The following SSH2 variants were observed in gnomAD, a reference collection of about 807,000 sequenced individuals.
The protein encoded by SSH2 is protein phosphatase Slingshot homolog 2.
In SSH2, 37 loss-of-function variants were observed where a neutral mutation model predicts 135.2. That is an observed-to-expected ratio of 0.27 (90% CI 0.21 to 0.36). The LOEUF (loss-of-function observed/expected upper bound fraction) is 0.36. Ranked by LOEUF, SSH2 falls within the 10% of genes least tolerant of loss-of-function variation. The pLI, the probability that SSH2 is intolerant of heterozygous loss-of-function variation, is 1.00. For missense variants in SSH2, 1,408 were observed against 1,765.3 expected, an observed-to-expected ratio of 0.80 and a Z score of 3.63; for synonymous variants, 628 against 646.2, an observed-to-expected ratio of 0.97 and a Z score of 0.43.
chr17:29,847,097 T>C (rs922735335), intron 2 of SSH2, among the ~76,000 whole-genome samples: 2 of 152,244 alleles, frequency 1.3e-5, no homozygotes, highest in African/African-American at 4.8e-5. Context: ...AGGTTTGCTA[T>C]GTTTCTAAAC....
At chr17:29,908,814 C>G (rs139800204) in intron 1 of SSH2, among the ~76,000 whole-genome samples, 1 of 142,536 alleles carries the variant, frequency 7.0e-6, no homozygotes, top group South Asian at 2.2e-4. Flanking sequence ...AGTGGTGGCT[C>G]ACGCCTGTAA....
At chr17:29,923,421 C>T (rs1287405035) in intron 1 of SSH2, among the ~76,000 whole-genome samples, 1 of 151,886 alleles carries the variant, frequency 6.6e-6, no homozygotes, top group Non-Finnish European at 1.5e-5. Flanking sequence ...GAGTTCAAGA[C>T]CAGTCTGGGC....
intron 3 of SSH2, among the ~76,000 whole-genome samples, chr17:29,752,077 A>T (rs1311654482): frequency 6.6e-6 from 1 of 152,222 alleles, no homozygotes; most frequent in Non-Finnish European, 1.5e-5. Context: ...TAATAGATCC[A>T]TACATCACAT....
chr17:29,905,988 T>C (rs184420985), intron 1 of SSH2, among the ~76,000 whole-genome samples: 150 of 152,250 alleles, frequency 9.9e-4, no homozygotes, highest in African/African-American at 3.5e-3. Context: ...GCCTCCTCTC[T>C]GATGAGAGCT....
chr17:29,756,539 C>T (rs925778021), intron 3 of SSH2, among the ~76,000 whole-genome samples: 5 of 144,094 alleles, frequency 3.5e-5, no homozygotes, highest in Non-Finnish European at 7.5e-5. Flanking sequence ...GCTACATTGC[C>T]TGGGCTGGTC....
At chr17:29,745,164 CTTTTTTTT>C (rs201394327) in intron 3 of SSH2, among the ~76,000 whole-genome samples, 1 of 144,604 alleles carries the variant, frequency 6.9e-6, no homozygotes, top group Non-Finnish European at 1.5e-5. Flanking sequence ...TTTCGTTTTT[CTTTTTTTT>C]TTTTTGAAAC....
intron 3 of SSH2, among the ~76,000 whole-genome samples, chr17:29,711,538 C>A (rs934161173): frequency 2.0e-5 from 3 of 152,124 alleles, no homozygotes; most frequent in Non-Finnish European, 2.9e-5. Flanking sequence ...AACCTTCTAG[C>A]TTTTACAGAT....
intron 12 of SSH2, among the ~76,000 whole-genome samples, chr17:29,652,157 AG>A (rs2036603226): frequency 4.6e-5 from 7 of 152,204 alleles, no homozygotes; most frequent in Admixed American, 4.6e-4. Flanking sequence ...ACAAAAAAAA[AG>A]GTGCAATTGC....
At chr17:29,756,495 C>T (rs977122357) in intron 3 of SSH2, among the ~76,000 whole-genome samples, 6 of 147,204 alleles carry the variant, frequency 4.1e-5, no homozygotes, top group Non-Finnish European at 9.0e-5. Context: ...CCCATCCATC[C>T]TCTCTCTTAT....
In SSH2 at chr17:29,631,245, G is replaced by A; in HGVS notation, c.3949C>T (p.Gln1317Ter). 6.2e-7 allele frequency: 1 copy of A among 1,614,076 alleles called. No individual in the cohort carries two copies. The highest frequency in any genetic ancestry group is 8.5e-7 in the Non-Finnish European group (1 of 1,180,028). Reference sequence around the variant, plus strand: ...CCTGAGTCTGTTCTGAGGAAAGGCTGAAGCAGTTTGAGATGAGGGGATTCA... The same window carrying A: ...CCTGAGTCTGTTCTGAGGAAAGGCTAAAGCAGTTTGAGATGAGGGGATTCA... Reference protein sequence around the residue: ...SCESPHLKLLQPFLRTDSGMH... With the variant: ...SCESPHLKLL Residue 1317 changes from glutamine to a stop codon, truncating the protein, a stop_gained, in exon 16 of 16, where the codon CAG becomes TAG. Transcript: ENST00000540801. LOFTEE classifies it high-confidence loss of function.
chr17:29,727,080 G>T (rs976934267), intron 3 of SSH2, among the ~76,000 whole-genome samples: 15 of 152,122 alleles, frequency 9.9e-5, no homozygotes, highest in African/African-American at 3.6e-4. Flanking sequence ...CATTAGGGAG[G>T]AACAGCTGCA....
intron 1 of SSH2, among the ~76,000 whole-genome samples, chr17:29,909,274 C>G (rs2066721276): frequency 6.6e-6 from 1 of 152,066 alleles, no homozygotes; most frequent in Non-Finnish European, 1.5e-5. Flanking sequence ...GACCTGTCCC[C>G]CTTTTTACTA....
At position 29,667,111 on chromosome 17, in the gene SSH2, A is replaced by G. The variant is rs1340213667; in HGVS notation, c.903+19T>C. The G allele has an allele frequency of 6.2e-7, 1 of 1,606,060 alleles. No individual in the cohort carries two copies. Among genetic ancestry groups the G allele is most frequent in the East Asian group, 2.2e-5 (1 of 44,844 alleles). On this transcript the variant is annotated intron_variant, in intron 10 of 15. Coordinates refer to ENST00000540801, the MANE Select transcript of SSH2 (RefSeq NM_001282129.2). ...CCCACTGCTAGCCTTGGAACAAACA[A>G]GGACTCAAGGTCTCTTACCTCTTTG...
intron 6 of SSH2, among the ~76,000 whole-genome samples, chr17:29,683,817 T>C (rs1725600471): frequency 6.6e-6 from 1 of 150,452 alleles, no homozygotes; most frequent in South Asian, 2.1e-4. Context: ...TGGTGGTGCA[T>C]GCCTGTACTT....
At position 29,650,776 on chromosome 17, in the gene SSH2, A is replaced by T. The variant is rs2036552173; in HGVS notation, c.1104T>A (p.Thr368=). ...CTGGGAAGAAGTTATCTATCTCTCG[A>T]GTGACATTCAAGATATACCGTACCC... The part of the protein sequence containing the change: ...NRGVRYILNV[T]REIDNFFPGV... Residue 368 remains threonine (T), a synonymous_variant, in exon 13 of 16, where the codon ACT becomes ACA. Transcript: ENST00000540801. The T allele has an allele frequency of 3.5e-5, 57 of 1,613,682 alleles. No homozygotes were observed. Among genetic ancestry groups the T allele is most frequent in the Non-Finnish European group, 4.8e-5 (57 of 1,179,794 alleles).
At position 29,636,097 on chromosome 17, in the gene SSH2, A is replaced by G; in HGVS notation, c.2133T>C (p.Asn711=). The stretch of plus-strand genomic sequence containing the variant: ...CTACCACTGACAGTCGACAGCTCTC[A>G]TTCCTTCCTCCACCCAGTTCCTCCA... The part of the protein sequence containing the change: ...SRMEELGGGR[N]ESCRLSVVEV... The change falls in exon 15 of 16, where the codon AAT becomes AAC. Residue 711 remains asparagine (N), a synonymous_variant. Coordinates refer to ENST00000540801, the MANE Select transcript of SSH2 (RefSeq NM_001282129.2). 6.2e-7 allele frequency: 1 copy of G among 1,614,174 alleles called. No individual in the cohort carries two copies. Among genetic ancestry groups the G allele is most frequent in the Non-Finnish European group, 8.5e-7 (1 of 1,180,030 alleles).
At chr17:29,692,135 G>A (rs1033686246) in intron 5 of SSH2, among the ~76,000 whole-genome samples, 3 of 145,690 alleles carry the variant, frequency 2.1e-5, no homozygotes, top group East Asian at 4.1e-4. Context: ...GCAAGACTCT[G>A]TCTCAAAAAA....
At chr17:29,698,867 T>C (rs896369269) in intron 4 of SSH2, among the ~76,000 whole-genome samples, 2 of 152,160 alleles carry the variant, frequency 1.3e-5, no homozygotes, top group Admixed American at 6.6e-5. Context: ...ATTTTTAGGA[T>C]GGAGAACTTC....
intron 2 of SSH2, among the ~76,000 whole-genome samples, chr17:29,833,233 T>A (rs2042879510): frequency 6.6e-6 from 1 of 152,208 alleles, no homozygotes. Context: ...TCTCTTTCAC[T>A]CTAATAATAT....
Sources: allele counts gnomAD v4.1 joint callset (sites outside exome capture counted in the v4.1 genomes callset), GRCh38; gene constraint gnomAD v4.1.1; transcripts MANE v1.5; gene names NCBI Gene and HGNC (gene_info 2026-07-23, HGNC 2026-07-21).